The following JAG2 variants were observed in gnomAD, a reference collection of about 807,000 sequenced individuals.
The protein encoded by JAG2 is protein jagged-2.
Under a neutral mutation model 141.7 loss-of-function variants are expected in JAG2, and 46 were observed. The ratio of observed to expected loss-of-function variants is 0.32; its 90% CI spans 0.26 to 0.42. The LOEUF (loss-of-function observed/expected upper bound fraction) is 0.42. Among genes scored for constraint, JAG2 ranks in the 10% least tolerant of loss-of-function variants. JAG2 has a pLI of 1.00. For synonymous variants in JAG2, 862 were observed against 763.5 expected, an observed-to-expected ratio of 1.13 and a Z score of -2.13; for missense variants, 1,500 against 1,817.5, an observed-to-expected ratio of 0.83 and a Z score of 3.18.
intron 2 of JAG2, among the ~76,000 whole-genome samples, chr14:105,166,292 C>T (rs1051032786): frequency 6.6e-6 from 1 of 152,264 alleles, no homozygotes; most frequent in African/African-American, 2.4e-5. Flanking sequence ...GCCCCCACAC[C>T]CACTGCTGCC....
In JAG2 at chr14:105,148,989, GC is replaced by G; in HGVS notation, c.1853del (p.Gly618AlafsTer144). The G allele has an allele frequency of 6.2e-7, 1 of 1,607,858 alleles. No individual in the cohort carries two copies. On this transcript the variant is annotated frameshift_variant, in exon 14 of 26. Transcript: ENST00000331782. LOFTEE classifies it high-confidence loss of function. ...PHGRCVSQPG[G>X]NFSCICDSGF... ...CACTGTCACAGATGCAGGAAAAGTTGCCCCCTGGCTGGCTGACGCAGCGTCC... is the reference window on the plus strand; with the variant it reads ...CACTGTCACAGATGCAGGAAAAGTTGCCCCTGGCTGGCTGACGCAGCGTCC...
intron 2 of JAG2, among the ~76,000 whole-genome samples, chr14:105,164,126 T>A (rs1888840187): frequency 7.1e-6 from 1 of 140,498 alleles, no homozygotes; most frequent in African/African-American, 2.6e-5. Flanking sequence ...AGCCTTCCTA[T>A]CGTGCTGCGG....
intron 12 of JAG2, 120 bp downstream of exon 12, chr14:105,150,484 C>T: frequency 9.5e-7 from 1 of 1,056,528 alleles, no homozygotes; most frequent in Non-Finnish European, 1.3e-6. Flanking sequence ...GCCTGGGACG[C>T]CTTGGGGACA....
intron 6 of JAG2, 21 bp downstream of exon 6, chr14:105,152,140 C>T: frequency 6.2e-7 from 1 of 1,613,624 alleles, no homozygotes; most frequent in Admixed American, 1.7e-5. Flanking sequence ...GAGCATTAGG[C>T]CTGCCGCCCC....
Position 105,149,334 on chromosome 14 carries a change from G to C in JAG2, c.1603-14C>G, listed in dbSNP as rs778176970. On this transcript the variant is annotated splice_polypyrimidine_tract_variant and intron_variant, in intron 12 of 25. Coordinates refer to ENST00000331782, the MANE Select transcript of JAG2 (RefSeq NM_002226.5). ...GTCGACATCCACCTGCAGGGTGGGG[G>C]GTGCCTGTGAGAGCCTAGGCCCAGG... is the stretch of plus-strand genomic sequence containing the variant. 2.1e-5 allele frequency: 34 copies of C among 1,612,562 alleles called. No homozygotes were observed. The South Asian group carries it at 3.6e-4, about 17-fold the overall frequency.
At chr14:105,166,146 C>T (rs1003218519) in intron 2 of JAG2, among the ~76,000 whole-genome samples, 11 of 152,236 alleles carry the variant, frequency 7.2e-5, no homozygotes, top group Admixed American at 5.2e-4. Context: ...GGTGAGCTGG[C>T]CCCGAAACCC....
chr14:105,163,864 C>A (rs142358783), intron 2 of JAG2, among the ~76,000 whole-genome samples: 1 of 151,130 alleles, frequency 6.6e-6, no homozygotes, highest in Non-Finnish European at 1.5e-5. Context: ...GGGACAGGGA[C>A]CCCGCTCAGG....
chr14:105,145,911 G>A lies in JAG2; in HGVS notation c.2772C>T (p.Cys924=). 1 of 1,570,222 alleles carries A rather than the reference G, an allele frequency of 6.4e-7. No homozygotes were observed. Among genetic ancestry groups the A allele is most frequent in the Non-Finnish European group, 8.6e-7 (1 of 1,158,866 alleles). The change falls in exon 23 of 26, where the codon TGC becomes TGT. Residue 924 remains cysteine (C), a synonymous_variant. Coordinates refer to ENST00000331782, the MANE Select transcript of JAG2 (RefSeq NM_002226.5). The part of the protein sequence containing the change: ...AGQPEALSAQ[C]PLGQRCLEKA... The stretch of plus-strand genomic sequence containing the variant: ...TCTCCAGGCACCTTTGCCCCAGTGG[G>A]CACTGGGCGCTCAGGGCCTCGGGCT...
At chr14:105,152,738 C>A (rs1363877429) in intron 5 of JAG2, among the ~76,000 whole-genome samples, 1 of 152,186 alleles carries the variant, frequency 6.6e-6, no homozygotes, top group Non-Finnish European at 1.5e-5. Context: ...ACAGCACGTG[C>A]CCTCGCCCCC....
At position 105,150,614 on chromosome 14, in the gene JAG2, G is replaced by A; in HGVS notation, c.1592C>T (p.Pro531Leu). Residue 531 changes from proline (P) to leucine (L), a missense_variant, in exon 12 of 26, where the codon CCT becomes CTT. By Grantham distance (98) the Pro-to-Leu change is moderately conservative (BLOSUM62 -3). This residue lies in a region of JAG2 where 875 missense variants were observed against 1,202.2 expected (regional missense o/e 0.73). Coordinates refer to ENST00000331782, the MANE Select transcript of JAG2 (RefSeq NM_002226.5). Reference sequence around the variant, plus strand: ...CCAGGCAGACCTCACCTCACAGAGAGGCCCGGAGAAGCCCTGGGGGCAGTG... The same window carrying A: ...CCAGGCAGACCTCACCTCACAGAGAAGCCCGGAGAAGCCCTGGGGGCAGTG... Reference protein sequence around the residue: ...HCHCPQGFSGPLCEVDVDLCE... With the variant: ...HCHCPQGFSGLLCEVDVDLCE... The A allele has an allele frequency of 1.3e-6, 2 of 1,548,638 alleles. No homozygotes were observed. The highest frequency in any genetic ancestry group is 1.7e-6 in the Non-Finnish European group (2 of 1,146,102).
chr14:105,162,977 C>G (rs587633181), intron 2 of JAG2, among the ~76,000 whole-genome samples: 65 of 152,136 alleles, frequency 4.3e-4, no homozygotes, highest in African/African-American at 1.5e-3. Flanking sequence ...CCTGCACGGT[C>G]AAGGCCAACA....
chr14:105,166,191 C>T (rs995858080), intron 2 of JAG2, among the ~76,000 whole-genome samples: 4 of 152,246 alleles, frequency 2.6e-5, no homozygotes, highest in South Asian at 2.1e-4. Flanking sequence ...AGGGCCTACC[C>T]GGTCCCATCC....
intron 3 of JAG2, among the ~76,000 whole-genome samples, chr14:105,156,301 C>G (rs1888581767): frequency 6.6e-6 from 1 of 152,308 alleles, no homozygotes; most frequent in South Asian, 2.1e-4. Flanking sequence ...GAAGGCACGG[C>G]TGCTGCCAGG....
At position 105,168,007 on chromosome 14, in the gene JAG2, G is replaced by A. The variant is rs1242439634; in HGVS notation, c.167C>T (p.Thr56Ile). The A allele has an allele frequency of 6.3e-7, 1 of 1,599,782 alleles. No individual in the cohort carries two copies. The highest frequency in any genetic ancestry group is 1.1e-5 in the South Asian group (1 of 90,568). Reference sequence around the variant, plus strand: ...GTGGCCGCAGCCCCCCGCGCGCGTTGTCCGGCCGTCGCCGTCACAGCAGGC... The same window carrying A: ...GTGGCCGCAGCCCCCCGCGCGCGTTATCCGGCCGTCGCCGTCACAGCAGGC... ...SGACCDGDGR[T>I]TRAGGCGHDE... Residue 56 changes from threonine (T) to isoleucine (I), a missense_variant, in exon 2 of 26, where the codon ACA becomes ATA. By Grantham distance (89) the Thr-to-Ile change is moderately conservative (BLOSUM62 -1). Around this residue, in one of 3 missense-constraint regions of JAG2, gnomAD observed 200 missense variants for 174.3 expected, o/e 1.15. Transcript: ENST00000331782.
chr14:105,158,597 A>G (rs1888643992), intron 2 of JAG2, among the ~76,000 whole-genome samples: 1 of 151,996 alleles, frequency 6.6e-6, no homozygotes, highest in Non-Finnish European at 1.5e-5. Context: ...ACTCACAGAC[A>G]TGCTCAGACA....
chr14:105,153,323 GC>G (rs1440756545), intron 5 of JAG2, among the ~76,000 whole-genome samples: 1 of 152,244 alleles, frequency 6.6e-6, no homozygotes, highest in Non-Finnish European at 1.5e-5. Flanking sequence ...CCAGTATCCA[GC>G]CCAGCATGCA....
rs1239180002 is a variant in JAG2, at chr14:105,147,845, G to A, written c.2292C>T (p.Gly764=). ...SCLPNPCVNG[G]TCVGSGASFS... is the part of the protein sequence containing the mutation. ...AGGAGGCCCCGCTGCCCACGCAGGT[G>A]CCACCATTCACACAGGGGTTGGGCA... Residue 764 remains glycine (G), a synonymous_variant, in exon 18 of 26, where the codon GGC becomes GGT. Transcript: ENST00000331782. The A allele has an allele frequency of 6.4e-6, 10 of 1,552,276 alleles. No homozygotes were observed. Among genetic ancestry groups the A allele is most frequent in the Non-Finnish European group, 8.7e-6 (10 of 1,149,240 alleles).
Position 105,168,422 on chromosome 14 carries a change from G to T in JAG2, c.-2C>A. ...GCGCCCCCGGCCCTGCGCCCGCATT[G>T]CCCCCGCGACCCGCCCGCCCGGCCC... On this transcript the variant is annotated 5_prime_UTR_variant, in exon 1 of 26. Coordinates refer to ENST00000331782, the MANE Select transcript of JAG2 (RefSeq NM_002226.5). The T allele has an allele frequency of 3.3e-6, 3 of 904,746 alleles. No individual in the cohort carries two copies. Among genetic ancestry groups the T allele is most frequent in the South Asian group, 4.6e-5 (1 of 21,658 alleles). The allele number at this position is 904,746 out of a possible 1,614,324, so 56.0% of individuals were successfully genotyped here.
At chr14:105,161,564 G>T (rs1888748563) in intron 2 of JAG2, among the ~76,000 whole-genome samples, 1 of 152,108 alleles carries the variant, frequency 6.6e-6, no homozygotes, top group Non-Finnish European at 1.5e-5. Flanking sequence ...CGCCGAGAGG[G>T]CCTCACCGCC....
Sources: allele counts gnomAD v4.1 joint callset (sites outside exome capture counted in the v4.1 genomes callset), GRCh38; gene constraint gnomAD v4.1.1; regional missense constraint gnomAD v4.1.1; transcripts MANE v1.5; gene names NCBI Gene and HGNC (gene_info 2026-07-23, HGNC 2026-07-21).